COL24A1: variants seen among roughly 807,000 people sequenced by gnomAD.
COL24A1 encodes the protein collagen alpha-1(XXIV) chain.
COL24A1 carries 224 observed loss-of-function variants against 253.9 expected under a neutral mutation model. That is an observed-to-expected ratio of 0.88 (90% CI 0.79 to 0.99). COL24A1 has a LOEUF of 0.99. COL24A1 is among the 50% of genes least tolerant of loss of function. COL24A1 has a pLI of 0.00. For missense variants in COL24A1, 2,131 were observed against 2,068.5 expected, an observed-to-expected ratio of 1.03 and a Z score of -0.59; for synonymous variants, 685 against 673.7, an observed-to-expected ratio of 1.02 and a Z score of -0.26.
chr1:85,978,647 C>T (rs1289180431), intron 20 of COL24A1, among the ~76,000 whole-genome samples: 1 of 151,930 alleles, frequency 6.6e-6, no homozygotes, highest in South Asian at 2.1e-4. Context: ...TGTCACAATC[C>T]TCAATATATA....
Position 86,046,852 on chromosome 1 carries a change from AC to A in COL24A1, c.1922del (p.Arg641LeufsTer31). On this transcript the variant is annotated frameshift_variant, in exon 12 of 60. Transcript: ENST00000370571. LOFTEE classifies it high-confidence loss of function. ...GTCTCCCCTTAAAACCCTTCTTTCCACGGATCCCAGGAATGCCCTAGAATAT... is the reference window on the plus strand; with the variant it reads ...GTCTCCCCTTAAAACCCTTCTTTCCAGGATCCCAGGAATGCCCTAGAATAT... Reference protein sequence around the residue: ...PEGERGIPGIRGKKGFKGRQG... With the variant: ...PEGERGIPGIXGKKGFKGRQG... The A allele has an allele frequency of 6.3e-7, 1 of 1,596,274 alleles. No homozygotes were observed. Among genetic ancestry groups the A allele is most frequent in the Non-Finnish European group, 8.6e-7 (1 of 1,164,094 alleles).
intron 7 of COL24A1, among the ~76,000 whole-genome samples, chr1:86,066,280 T>C (rs1376812406): frequency 7.0e-5 from 9 of 128,076 alleles, no homozygotes; most frequent in Admixed American, 4.7e-4. Context: ...GCTCTATCCC[T>C]CAGGCTGGAG....
intron 47 of COL24A1, among the ~76,000 whole-genome samples, chr1:85,801,320 A>G (rs1043430295): frequency 3.3e-5 from 5 of 152,142 alleles, no homozygotes; most frequent in Non-Finnish European, 5.9e-5. Context: ...CTTTCAATGC[A>G]CTGCATCGCT....
At chr1:85,838,280 T>G (rs1676234027) in intron 43 of COL24A1, among the ~76,000 whole-genome samples, 1 of 152,068 alleles carries the variant, frequency 6.6e-6, no homozygotes, top group African/African-American at 2.4e-5. Context: ...TAGCATAAAA[T>G]GTCATGAAGG....
intron 19 of COL24A1, among the ~76,000 whole-genome samples, chr1:85,993,338 TAC>T (rs1694464926): frequency 6.6e-6 from 1 of 151,900 alleles, no homozygotes; most frequent in South Asian, 2.1e-4. Flanking sequence ...GATAAACTTA[TAC>T]ACATATACAC....
At chr1:86,086,778 A>G (rs1214983097) in intron 7 of COL24A1, among the ~76,000 whole-genome samples, 1 of 152,212 alleles carries the variant, frequency 6.6e-6, no homozygotes, top group African/African-American at 2.4e-5. Context: ...AAGACATACC[A>G]TAAGGAGTAT....
At chr1:85,764,520 A>G (rs1667168185) in intron 53 of COL24A1, among the ~76,000 whole-genome samples, 1 of 150,578 alleles carries the variant, frequency 6.6e-6, no homozygotes, top group Non-Finnish European at 1.5e-5. Flanking sequence ...TTCCTTACCA[A>G]GACCTCCTAA....
intron 53 of COL24A1, among the ~76,000 whole-genome samples, chr1:85,770,929 C>A (rs766055887): frequency 6.6e-6 from 1 of 152,160 alleles, no homozygotes; most frequent in Non-Finnish European, 1.5e-5. Flanking sequence ...ATGCCTAAAG[C>A]GAATTGGCAG....
intron 5 of COL24A1, among the ~76,000 whole-genome samples, chr1:86,109,604 C>G (rs1267799581): frequency 6.6e-6 from 1 of 152,164 alleles, no homozygotes; most frequent in Non-Finnish European, 1.5e-5. Context: ...AAATTCTATT[C>G]TTAACCCCAA....
chr1:85,889,738 T>A (rs1219530794), intron 31 of COL24A1, 125 bp from the exon 32 acceptor site: 1 of 776,888 alleles, frequency 1.3e-6, no homozygotes, highest in African/African-American at 1.8e-5. Flanking sequence ...ATTCTTTTTT[T>A]TTTTTTGCTT....
At chr1:85,912,891 C>T (rs148442116) in intron 24 of COL24A1, among the ~76,000 whole-genome samples, 24 of 152,212 alleles carry the variant, frequency 1.6e-4, no homozygotes, top group African/African-American at 4.3e-4. Flanking sequence ...ACATCGATTA[C>T]GTATTAAAAT....
chr1:86,010,151 G>A (rs1304042019), intron 19 of COL24A1, among the ~76,000 whole-genome samples: 1 of 152,004 alleles, frequency 6.6e-6, no homozygotes, highest in African/African-American at 2.4e-5. Context: ...TTTAAAATCT[G>A]GATATAGGAA....
chr1:85,856,245 G>A (rs565184700), intron 37 of COL24A1, among the ~76,000 whole-genome samples: 65 of 151,966 alleles, frequency 4.3e-4, no homozygotes, highest in Non-Finnish European at 7.1e-4. Flanking sequence ...GGTTTGTTTT[G>A]CTCCTGTTTT....
In COL24A1 at chr1:85,787,467, A is replaced by AT. The variant is rs560011124; in HGVS notation, c.3952-1007dup. 6.2e-3 allele frequency among the ~76,000 whole-genome samples: 948 copies of AT among 151,988 alleles called. 5 individuals are homozygous for AT. The highest frequency in any genetic ancestry group is 0.027 in the Middle Eastern group (8 of 292). On this transcript the variant is annotated intron_variant, in intron 47 of 59. Coordinates refer to ENST00000370571, the MANE Select transcript of COL24A1 (RefSeq NM_152890.7). ...CACTTATAAGACCATGATATGTTTGATTTTCTGTTTCTGCATTAGTTTGCT... is the reference window on the plus strand; with the variant it reads ...CACTTATAAGACCATGATATGTTTGATTTTTCTGTTTCTGCATTAGTTTGCT...
intron 53 of COL24A1, among the ~76,000 whole-genome samples, chr1:85,763,496 T>C (rs1015280376): frequency 6.7e-6 from 1 of 148,666 alleles, no homozygotes; most frequent in Non-Finnish European, 1.5e-5. Context: ...TACTTTCTTT[T>C]TTTTTTTTTT....
chr1:85,852,920 A>G (rs1677950778), intron 37 of COL24A1, among the ~76,000 whole-genome samples: 1 of 152,164 alleles, frequency 6.6e-6, no homozygotes, highest in Admixed American at 6.6e-5. Context: ...GAGTTACTGG[A>G]AGTACAGGCG....
intron 55 of COL24A1, among the ~76,000 whole-genome samples, chr1:85,758,316 G>A (rs1666485302): frequency 6.6e-6 from 1 of 152,096 alleles, no homozygotes; most frequent in African/African-American, 2.4e-5. Flanking sequence ...AGGTTCTACA[G>A]TTGACCCATT....
intron 43 of COL24A1, among the ~76,000 whole-genome samples, chr1:85,834,072 A>G (rs1404921116): frequency 6.6e-5 from 10 of 151,932 alleles, no homozygotes; most frequent in Admixed American, 2.0e-4. Context: ...CATATGTAAC[A>G]AACCTGTACA....
rs564213415 is a variant in COL24A1 at position 85,875,293 on chromosome 1, C to T, written c.3068G>A (p.Gly1023Asp). Residue 1023 changes from glycine (G) to aspartate (D), a missense_variant, in exon 34 of 60, where the codon GGT becomes GAT. Coordinates refer to ENST00000370571, the MANE Select transcript of COL24A1 (RefSeq NM_152890.7). Reference sequence around the variant, plus strand: ...GAAGGTTACCTTTGCACCTGGTTCACCTTGCAGACCAGACTCTCCCTCAGT... The same window carrying T: ...GAAGGTTACCTTTGCACCTGGTTCATCTTGCAGACCAGACTCTCCCTCAGT... ...PGTEGESGLQGEPGAKGDVGT... is the reference protein window; with the variant it reads ...PGTEGESGLQDEPGAKGDVGT... The T allele has an allele frequency of 3.7e-6, 6 of 1,613,796 alleles. No individual in the cohort carries two copies. In the South Asian group the frequency reaches 4.4e-5, roughly 12 times the overall value.
Sources: gnomAD v4.1 joint callset for allele counts (sites outside exome capture counted in the v4.1 genomes callset) on GRCh38, gnomAD v4.1.1 for gene constraint, MANE v1.5 for transcripts, NCBI Gene and HGNC (gene_info 2026-07-23, HGNC 2026-07-21) for gene names.